The following FGD1 variants were observed in gnomAD, a reference collection of about 807,000 sequenced individuals.
FGD1 encodes the protein FYVE, RhoGEF and PH domain-containing protein 1.
FGD1 carries 12 observed loss-of-function variants against 65.0 expected under a neutral mutation model. The ratio of observed to expected loss-of-function variants is 0.18; its 90% CI spans 0.12 to 0.30. The LOEUF is 0.30. FGD1 is among the 10% of genes least tolerant of loss of function. The pLI is 1.00. For synonymous variants in FGD1, 333 were observed against 343.9 expected, an observed-to-expected ratio of 0.97 and a Z score of 0.35; for missense variants, 542 against 837.6, an observed-to-expected ratio of 0.65 and a Z score of 4.36.
rs369969272 is a variant in FGD1, at chrX:54,483,731, G to A, written c.307+11395C>T. Among the ~76,000 whole-genome samples the A allele has an allele frequency of 6.3e-5, 7 of 111,224 alleles. No individual in the cohort carries two copies. The East Asian group carries it at 1.4e-3, about 23-fold the overall frequency. The stretch of plus-strand genomic sequence containing the variant: ...TGAACGACACTCCTACCCCAGCCCC[G>A]GTCTGCTTCTCCTCCTGCCTTCCCC... On this transcript the variant is annotated intron_variant, in intron 1 of 17. Coordinates refer to ENST00000375135, the MANE Select transcript of FGD1 (RefSeq NM_004463.3).
chrX:54,460,117 AAAAT>A (rs946932780), intron 8 of FGD1, among the ~76,000 whole-genome samples: 1 of 104,592 alleles, frequency 9.6e-6, no homozygotes, highest in Non-Finnish European at 1.9e-5. Context: ...AAAAAATACA[AAAAT>A]AAATAAATAA....
chrX:54,446,123 G>A lies in FGD1; in HGVS notation c.2872C>T (p.Arg958Ter), dbSNP rs1302476912. The A allele has an allele frequency of 8.3e-6, 10 of 1,206,369 alleles. No homozygotes were observed. Among genetic ancestry groups the A allele is most frequent in the South Asian group, 3.6e-5 (2 of 56,214 alleles). ...TAEPPESPQT[R>*]DKT ...TCCCAAACCCTCTAGGTCTTGTCTC[G>A]GGTCTGGGGGGATTCGGGGGGTTCA... Residue 958 changes from arginine (R) to a stop codon, truncating the protein, a stop_gained, in exon 18 of 18, where the codon CGA becomes TGA. Coordinates refer to ENST00000375135, the MANE Select transcript of FGD1 (RefSeq NM_004463.3). LOFTEE classifies it high-confidence loss of function.
chrX:54,492,090 T>C (rs1285142877), intron 1 of FGD1, among the ~76,000 whole-genome samples: 3 of 111,174 alleles, frequency 2.7e-5, no homozygotes, highest in Non-Finnish European at 3.8e-5. Flanking sequence ...CAAACCGCTT[T>C]CTGACTCTCT....
intron 1 of FGD1, among the ~76,000 whole-genome samples, chrX:54,473,888 G>A (rs1031183218): frequency 7.2e-4 from 80 of 110,703 alleles, no homozygotes; most frequent in African/African-American, 2.6e-3. Flanking sequence ...GGAGGCTGAG[G>A]CAGGAGAATC....
In FGD1 at chrX:54,455,469, C is replaced by T. The variant is rs1159898849; in HGVS notation, c.1994G>A (p.Arg665His). ...PRTFLVSGKQ[R>H]SLELQARTEE... ...GTACCTGGCCTGGAGCTCGAGGGAG[C>T]GCTGCTTTCCTGACACCAGGAAGGT... is the stretch of plus-strand genomic sequence containing the variant. Residue 665 changes from arginine (R) to histidine (H), a missense_variant, in exon 12 of 18, where the codon CGC (arginine) becomes CAC (histidine). Arg to His is a conservative substitution (Grantham distance 29, BLOSUM62 0). Coordinates refer to ENST00000375135, the MANE Select transcript of FGD1 (RefSeq NM_004463.3). 2 of 1,208,801 alleles carry T rather than the reference C, an allele frequency of 1.7e-6. No homozygotes were observed. The highest frequency in any genetic ancestry group is 2.2e-6 in the Non-Finnish European group (2 of 893,797).
intron 16 of FGD1, 67 bp from the exon 17 acceptor site, chrX:54,447,521 A>G (rs1922252614): frequency 1.9e-6 from 2 of 1,075,056 alleles, no homozygotes; most frequent in African/African-American, 3.7e-5. Context: ...TAGCTTTAAT[A>G]CCTCCTCAGT....
intron 1 of FGD1, among the ~76,000 whole-genome samples, chrX:54,487,960 C>CCAAA (rs915063758): frequency 5.0e-5 from 5 of 100,476 alleles, no homozygotes; most frequent in Non-Finnish European, 8.0e-5. Flanking sequence ...AAAAAACCAA[C>CCAAA]CAAACAAACA....
intron 17 of FGD1, among the ~76,000 whole-genome samples, chrX:54,447,004 G>A (rs1050091247): frequency 3.6e-5 from 4 of 111,269 alleles, no homozygotes; most frequent in African/African-American, 1.3e-4. Flanking sequence ...GATTACAGGC[G>A]TGAGCCACTG....
chrX:54,479,887 C>A (rs1923106156), intron 1 of FGD1, among the ~76,000 whole-genome samples: 1 of 111,644 alleles, frequency 9.0e-6, no homozygotes, highest in Admixed American at 9.5e-5. Flanking sequence ...CCAGACTGCA[C>A]CCAGGCTGCC....
At chrX:54,457,042 T>C (rs1232676638) in intron 8 of FGD1, among the ~76,000 whole-genome samples, 1 of 111,257 alleles carries the variant, frequency 9.0e-6, no homozygotes, top group African/African-American at 3.3e-5. Flanking sequence ...AATCAGAAGT[T>C]GTCCAATGTC....
chrX:54,461,623 A>G (rs909071697), intron 8 of FGD1, among the ~76,000 whole-genome samples: 1 of 105,904 alleles, frequency 9.4e-6, no homozygotes, highest in African/African-American at 3.4e-5. Flanking sequence ...AAAAAAAAAA[A>G]AAAGAAAAAG....
chrX:54,460,558 C>T (rs772052623), intron 8 of FGD1, among the ~76,000 whole-genome samples: 1 of 111,697 alleles, frequency 9.0e-6, no homozygotes, highest in Admixed American at 9.5e-5. Context: ...CTGGCCAACA[C>T]GGTGAAACAC....
intron 8 of FGD1, among the ~76,000 whole-genome samples, chrX:54,461,858 TAGG>T (rs1432585904): frequency 9.2e-6 from 1 of 109,252 alleles, no homozygotes; most frequent in African/African-American, 3.3e-5. Flanking sequence ...GGATATGAAA[TAGG>T]AGAATTAATC....
At chrX:54,487,010 C>T (rs778939450) in intron 1 of FGD1, among the ~76,000 whole-genome samples, 2 of 102,863 alleles carry the variant, frequency 1.9e-5, no homozygotes, top group African/African-American at 7.0e-5. Flanking sequence ...ACAAAGAAAA[C>T]AACAACAACA....
At chrX:54,491,691 TCCTTGGTTGTCAAC>T (rs773707886) in intron 1 of FGD1, among the ~76,000 whole-genome samples, 5 of 112,213 alleles carry the variant, frequency 4.5e-5, no homozygotes, top group Non-Finnish European at 9.4e-5. Context: ...GAAAATAGGT[TCCTTGGTTGTCAAC>T]CCCAAGATTC....
At chrX:54,451,242 C>T (rs1383704702) in intron 12 of FGD1, among the ~76,000 whole-genome samples, 1 of 110,604 alleles carries the variant, frequency 9.0e-6, no homozygotes, top group East Asian at 2.9e-4. Flanking sequence ...TTCCCTGACT[C>T]TTCTGTCTGC....
At chrX:54,463,631 A>G (rs1176160649) in intron 8 of FGD1, among the ~76,000 whole-genome samples, 1 of 110,114 alleles carries the variant, frequency 9.1e-6, no homozygotes, top group Non-Finnish European at 1.9e-5. Flanking sequence ...CCTCTCTCCA[A>G]CCTCATTTCT....
In FGD1 at chrX:54,446,226, G is replaced by A; in HGVS notation, c.2769C>T (p.Asp923=). Residue 923 remains aspartate, a synonymous_variant, in exon 18 of 18, where the codon GAC becomes GAT. Transcript: ENST00000375135. ...ACAGTGTGGGCCCCGGGCAGAACGTGTCCCCTCGGCCCGCCCGGCCAAGCA... is the reference window on the plus strand; with the variant it reads ...ACAGTGTGGGCCCCGGGCAGAACGTATCCCCTCGGCCCGCCCGGCCAAGCA... The part of the protein sequence containing the change: ...MAVLGRAGRG[D]TFCPGPTLSE... 2.5e-6 allele frequency: 3 copies of A among 1,211,809 alleles called. No individual in the cohort carries two copies. The highest frequency in any genetic ancestry group is 3.4e-6 in the Non-Finnish European group (3 of 895,404).
chrX:54,460,691 A>T (rs1213266066), intron 8 of FGD1, among the ~76,000 whole-genome samples: 1 of 112,402 alleles, frequency 8.9e-6, no homozygotes, highest in East Asian at 2.8e-4. Flanking sequence ...CAGTGAGCGG[A>T]GATCGCGCCA....
Sources: allele counts gnomAD v4.1 joint callset (sites outside exome capture counted in the v4.1 genomes callset), GRCh38; gene constraint gnomAD v4.1.1; transcripts MANE v1.5; gene names NCBI Gene and HGNC (gene_info 2026-07-23, HGNC 2026-07-21).